Variants in ERBB4 observed in about 807,000 individuals in gnomAD.
ERBB4 encodes the protein receptor tyrosine-protein kinase erbB-4.
A neutral mutation model predicts 158.0 loss-of-function variants in ERBB4; 42 were observed. The ratio of observed to expected loss-of-function variants is 0.27; its 90% CI spans 0.21 to 0.34. ERBB4 has a LOEUF of 0.34. Ranked by LOEUF, ERBB4 falls within the 10% of genes least tolerant of loss-of-function variation. The probability of loss-of-function intolerance (pLI) is 1.00; values close to 1 mark genes in which losing one functional copy is unlikely to be tolerated. For synonymous variants in ERBB4, 583 were observed against 558.7 expected, an observed-to-expected ratio of 1.04 and a Z score of -0.61; for missense variants, 1,333 against 1,624.1, an observed-to-expected ratio of 0.82 and a Z score of 3.08.
intron 1 of ERBB4, among the ~76,000 whole-genome samples, chr2:212,259,684 A>G (rs2084862907): frequency 6.6e-6 from 1 of 152,220 alleles, no homozygotes; most frequent in Non-Finnish European, 1.5e-5. Flanking sequence ...CCTTTGTTCA[A>G]TTATACAAGA....
chr2:211,847,250 G>A (rs1354145166), intron 3 of ERBB4, among the ~76,000 whole-genome samples: 2 of 148,212 alleles, frequency 1.3e-5, no homozygotes, highest in Non-Finnish European at 3.0e-5. Context: ...CAATTCCAAT[G>A]TTTCCACATT....
In ERBB4 at chr2:212,188,215, T is replaced by TCG. The variant is rs1468375450; in HGVS notation, c.83-63313_83-63312insCG. On this transcript the variant is annotated intron_variant, in intron 1 of 27. Coordinates refer to ENST00000342788, the MANE Select transcript of ERBB4 (RefSeq NM_005235.3). ...CTCTCTCTCTCTCTCTCTCTCTCTC[T>TCG]CTCTCTCTCTCTCTCTCTCCCCCCC... Among the ~76,000 whole-genome samples, 94 of 32,326 alleles carry TCG rather than the reference T, an allele frequency of 2.9e-3. 1 individual carries two copies. Among genetic ancestry groups the TCG allele is most frequent in the African/African-American group, 0.011 (92 of 8,756 alleles). The allele number at this position is 32,326 out of a possible 152,430, so 21.2% of individuals were successfully genotyped here.
At chr2:212,441,244 C>G (rs1159069809) in intron 1 of ERBB4, among the ~76,000 whole-genome samples, 1 of 152,176 alleles carries the variant, frequency 6.6e-6, no homozygotes, top group African/African-American at 2.4e-5. Context: ...GTGGCAACAT[C>G]CCCTCCCAAC....
intron 3 of ERBB4, among the ~76,000 whole-genome samples, chr2:211,944,177 C>CTATATATATATATAGTA (rs1559154451): frequency 2.6e-5 from 1 of 38,584 alleles, no homozygotes; most frequent in African/African-American, 1.2e-4. Flanking sequence ...TATATATATA[C>CTATATATATATATAGTA]TATATATATA....
At chr2:211,992,771 C>T (rs972652387) in intron 2 of ERBB4, among the ~76,000 whole-genome samples, 1 of 152,112 alleles carries the variant, frequency 6.6e-6, no homozygotes, top group Non-Finnish European at 1.5e-5. Context: ...TTCCCTCACC[C>T]CATGCCCCAT....
chr2:211,467,743 G>C (rs1253141071), intron 20 of ERBB4, among the ~76,000 whole-genome samples: 1 of 152,112 alleles, frequency 6.6e-6, no homozygotes, highest in African/African-American at 2.4e-5. Context: ...GGCCATATGG[G>C]AGGAAAGAAG....
At chr2:211,969,248 A>G (rs2081387139) in intron 2 of ERBB4, among the ~76,000 whole-genome samples, 1 of 152,028 alleles carries the variant, frequency 6.6e-6, no homozygotes, top group African/African-American at 2.4e-5. Flanking sequence ...AAGAGACATT[A>G]TATGCCGAGT....
chr2:211,982,366 A>C (rs1575470531), intron 2 of ERBB4, among the ~76,000 whole-genome samples: 1 of 152,292 alleles, frequency 6.6e-6, no homozygotes, highest in South Asian at 2.1e-4. Flanking sequence ...TGATCTTTTA[A>C]ACAGAGACCT....
At chr2:212,023,667 T>C (rs1247680102) in intron 2 of ERBB4, among the ~76,000 whole-genome samples, 2 of 151,984 alleles carry the variant, frequency 1.3e-5, no homozygotes, top group African/African-American at 2.4e-5. Context: ...TACAGACATA[T>C]TGAAATGGAT....
chr2:212,507,260 A>G (rs1481986464), intron 1 of ERBB4, among the ~76,000 whole-genome samples: 1 of 152,174 alleles, frequency 6.6e-6, no homozygotes, highest in East Asian at 1.9e-4. Flanking sequence ...TTGACAATGA[A>G]CCTACTAACC....
chr2:212,335,450 C>T (rs1428853225), intron 1 of ERBB4, among the ~76,000 whole-genome samples: 1 of 151,246 alleles, frequency 6.6e-6, no homozygotes, highest in African/African-American at 2.4e-5. Context: ...TTTTTTAATT[C>T]AAAAATTTAG....
intron 1 of ERBB4, among the ~76,000 whole-genome samples, chr2:212,335,325 T>C (rs62184062): frequency 0.051 from 7,781 of 152,060 alleles, 274 homozygotes; most frequent in Non-Finnish European, 0.075. Context: ...TTTTAACAAA[T>C]AATACATTTT....
chr2:211,582,597 A>G (rs1193186984), intron 19 of ERBB4, among the ~76,000 whole-genome samples: 3 of 152,240 alleles, frequency 2.0e-5, no homozygotes, highest in Non-Finnish European at 4.4e-5. Flanking sequence ...CAGAGGAACC[A>G]GAACTTATTT....
At chr2:212,133,678 A>G (rs2080181572) in intron 1 of ERBB4, among the ~76,000 whole-genome samples, 1 of 151,920 alleles carries the variant, frequency 6.6e-6, no homozygotes, top group Admixed American at 6.6e-5. Flanking sequence ...ATATACATAA[A>G]GGAAGGCCAG....
At chr2:211,735,748 CT>C (rs1444616607) in intron 5 of ERBB4, among the ~76,000 whole-genome samples, 1 of 151,964 alleles carries the variant, frequency 6.6e-6, no homozygotes, top group Non-Finnish European at 1.5e-5. Context: ...AAAAAGAGAC[CT>C]TTTGAGGAAA....
chr2:212,045,529 C>G (rs891429381), intron 2 of ERBB4, among the ~76,000 whole-genome samples: 10 of 152,070 alleles, frequency 6.6e-5, no homozygotes, highest in Admixed American at 4.6e-4. Context: ...TAGTATAACC[C>G]TCAATTGCTT....
chr2:211,709,235 G>GTGTATATATATATATATA (rs1243715958), intron 9 of ERBB4, among the ~76,000 whole-genome samples: 11 of 103,218 alleles, frequency 1.1e-4, no homozygotes, highest in African/African-American at 4.5e-4. Flanking sequence ...GCGTGTGTGT[G>GTGTATATATATATATATA]TATATATATA....
intron 1 of ERBB4, among the ~76,000 whole-genome samples, chr2:212,187,100 T>G (rs949964185): frequency 6.6e-6 from 1 of 152,138 alleles, no homozygotes; most frequent in African/African-American, 2.4e-5. Context: ...GGAGTTTACT[T>G]GACTCTACTG....
Position 211,380,485 on chromosome 2 carries a change from T to G in ERBB4, c.*3130A>C. 4.3e-6 allele frequency: 1 copy of G among 232,442 alleles called. No individual in the cohort carries two copies. Among genetic ancestry groups the G allele is most frequent in the East Asian group, 6.1e-5 (1 of 16,464 alleles). The allele number at this position is 232,442 out of a possible 1,614,324, so 14.4% of individuals were successfully genotyped here. ...TTCTGCAAATTTCAATTGCTACAAT[T>G]GGCCTCTGGAATCTGATATCCCCCC... is the stretch of plus-strand genomic sequence containing the variant. On this transcript the variant is annotated 3_prime_UTR_variant, in exon 28 of 28. Coordinates refer to ENST00000342788, the MANE Select transcript of ERBB4 (RefSeq NM_005235.3).
Sources: allele counts gnomAD v4.1 joint callset (sites outside exome capture counted in the v4.1 genomes callset), GRCh38; gene constraint gnomAD v4.1.1; transcripts MANE v1.5; gene names NCBI Gene and HGNC (gene_info 2026-07-23, HGNC 2026-07-21).